Variants in TXLNB observed in about 807,000 individuals in gnomAD.
TXLNB encodes the protein taxilin beta, also known as beta-taxilin.
A neutral mutation model predicts 57.4 loss-of-function variants in TXLNB; 37 were observed. The observed-to-expected ratio is 0.64, with a 90% confidence interval of 0.50 to 0.85. The LOEUF is 0.85. Among genes scored for constraint, TXLNB ranks in the 40% least tolerant of loss-of-function variants. The pLI, the probability that TXLNB is intolerant of heterozygous loss-of-function variation, is 0.00. For missense variants in TXLNB, 848 were observed against 825.6 expected, an observed-to-expected ratio of 1.03 and a Z score of -0.33; for synonymous variants, 302 against 309.6, an observed-to-expected ratio of 0.98 and a Z score of 0.26.
rs1775953127 is a variant in TXLNB, at chr6:139,242,318, G to A, written c.*208C>T. On this transcript the variant is annotated 3_prime_UTR_variant, in exon 10 of 10. Coordinates refer to ENST00000358430, the MANE Select transcript of TXLNB (RefSeq NM_153235.4). ...TTTGGGAAAATTATACTGTCAACCA[G>A]TGTTAAATAGAAAACCTTCAAATCA... is the stretch of plus-strand genomic sequence containing the variant. The A allele has an allele frequency of 4.9e-6, 2 of 405,226 alleles. No homozygotes were observed. Among genetic ancestry groups the A allele is most frequent in the Non-Finnish European group, 8.5e-6 (2 of 235,394 alleles). The allele number at this position is 405,226 out of a possible 1,614,324, so 25.1% of individuals were successfully genotyped here.
At chr6:139,222,771 C>A in the TXLNB span, among the ~76,000 whole-genome samples, 2 of 152,154 alleles carry the variant, frequency 1.3e-5, no homozygotes, top group Non-Finnish European at 2.9e-5. Flanking sequence ...TGCGCCACTG[C>A]ACTCCAGCCT....
the TXLNB span, among the ~76,000 whole-genome samples, chr6:139,316,705 C>G: frequency 1.3e-5 from 2 of 152,176 alleles, no homozygotes; most frequent in African/African-American, 4.8e-5. Context: ...TAAAAAACAG[C>G]TTTTGGAGAC....
rs775820027 is a variant in TXLNB, at chr6:139,262,559, TTG to T, written c.882+18_882+19del. On this transcript the variant is annotated intron_variant, in intron 5 of 9. Transcript: ENST00000358430. ...ATCCGGATCTATGTACTGTTCTAAG[TTG>T]TTTGATGTGGTTCTCACCTCCTCTC... 6 of 1,603,994 alleles carry T rather than the reference TTG, an allele frequency of 3.7e-6. No homozygotes were observed. The East Asian group carries it at 1.1e-4, about 30-fold the overall frequency.
chr6:139,190,948 C>A, the TXLNB span, among the ~76,000 whole-genome samples: 3 of 151,972 alleles, frequency 2.0e-5, no homozygotes, highest in South Asian at 6.2e-4. Context: ...AGTTAGAAAA[C>A]GTCAGAAAAA....
At chr6:139,173,214 C>T in the TXLNB span, among the ~76,000 whole-genome samples, 1 of 152,212 alleles carries the variant, frequency 6.6e-6, no homozygotes, top group Non-Finnish European at 1.5e-5. Flanking sequence ...ATCCTTCCCC[C>T]TTTTGGCATA....
At chr6:139,291,401 T>C (rs1777298112) in intron 1 of TXLNB, among the ~76,000 whole-genome samples, 1 of 152,252 alleles carries the variant, frequency 6.6e-6, no homozygotes, top group Admixed American at 6.5e-5. Context: ...TTTACTTCGG[T>C]TAGTCTAAAT....
chr6:139,174,678 A>G, the TXLNB span: 2,788 of 1,230,616 alleles, frequency 2.3e-3, 60 homozygotes, highest in African/African-American at 0.038. Flanking sequence ...TAATGTAGTC[A>G]TTTAGTGGAA....
the TXLNB span, among the ~76,000 whole-genome samples, chr6:139,207,708 G>C: frequency 6.6e-6 from 1 of 152,134 alleles, no homozygotes. Context: ...TCTTTGAAAA[G>C]AGCAACAAAA....
the TXLNB span, among the ~76,000 whole-genome samples, chr6:139,168,294 G>A: frequency 6.6e-6 from 1 of 151,776 alleles, no homozygotes; most frequent in African/African-American, 2.4e-5. Flanking sequence ...AATCCTTAAT[G>A]TTTACTAATG....
intron 5 of TXLNB, among the ~76,000 whole-genome samples, chr6:139,261,064 G>A (rs1262068568): frequency 6.6e-6 from 1 of 152,078 alleles, no homozygotes; most frequent in Non-Finnish European, 1.5e-5. Context: ...CACACCTTTT[G>A]ACCTCTGGAC....
At chr6:139,237,131 T>C (rs566809230), downstream of TXLNB, among the ~76,000 whole-genome samples, 6 of 152,350 alleles carry the variant, frequency 3.9e-5, no homozygotes, top group East Asian at 9.6e-4. Flanking sequence ...TTATCTTATA[T>C]GTCATATCTT....
At chr6:139,212,912 T>C in the TXLNB span, among the ~76,000 whole-genome samples, 1 of 152,192 alleles carries the variant, frequency 6.6e-6, no homozygotes, top group South Asian at 2.1e-4. Flanking sequence ...AGGGATCGAT[T>C]CAACAAGAAG....
the TXLNB span, among the ~76,000 whole-genome samples, chr6:139,202,472 C>G: frequency 6.6e-6 from 1 of 152,188 alleles, no homozygotes; most frequent in Non-Finnish European, 1.5e-5. Flanking sequence ...AGACCCACAG[C>G]TTTCACTATG....
chr6:139,221,387 T>G, the TXLNB span, among the ~76,000 whole-genome samples: 1 of 152,300 alleles, frequency 6.6e-6, no homozygotes, highest in Middle Eastern at 3.4e-3. Context: ...GATAATTGGT[T>G]CCATCTTAAC....
the TXLNB span, among the ~76,000 whole-genome samples, chr6:139,303,937 T>C: frequency 0.54 from 81,746 of 150,810 alleles, 23,943 homozygotes; most frequent in African/African-American, 0.78. Flanking sequence ...CCCAGAAATG[T>C]GCAAGATAGC....
the TXLNB span, among the ~76,000 whole-genome samples, chr6:139,320,435 G>A: frequency 6.6e-6 from 1 of 152,080 alleles, no homozygotes; most frequent in African/African-American, 2.4e-5. Context: ...CAGTCCTAGA[G>A]GAACACAACT....
At chr6:139,238,004 G>C (rs577688107), downstream of TXLNB, among the ~76,000 whole-genome samples, 2 of 152,258 alleles carry the variant, frequency 1.3e-5, no homozygotes, top group East Asian at 1.9e-4. Context: ...TATTTTGCTA[G>C]TTAAGTGTTT....
At position 139,242,480 on chromosome 6, in the gene TXLNB, G is replaced by T; in HGVS notation, c.*46C>A. On this transcript the variant is annotated 3_prime_UTR_variant, in exon 10 of 10. Coordinates refer to ENST00000358430, the MANE Select transcript of TXLNB (RefSeq NM_153235.4). Reference sequence around the variant, plus strand: ...TTTTCGGAAGACAAGCTGTTATGCTGAATATGCAAAGAGGCAGGAAGAAGC... The same window carrying T: ...TTTTCGGAAGACAAGCTGTTATGCTTAATATGCAAAGAGGCAGGAAGAAGC... 2 of 1,437,736 alleles carry T rather than the reference G, an allele frequency of 1.4e-6. No homozygotes were observed. The highest frequency in any genetic ancestry group is 2.5e-5 in the East Asian group (1 of 39,714). The allele number at this position is 1,437,736 out of a possible 1,614,324, so 89.1% of individuals were successfully genotyped here.
the TXLNB span, among the ~76,000 whole-genome samples, chr6:139,313,803 T>C: frequency 4.6e-5 from 7 of 152,134 alleles, no homozygotes; most frequent in Non-Finnish European, 2.9e-5. Flanking sequence ...AATAAAATTC[T>C]AAGCCCCCCA....
Sources: gnomAD v4.1 joint callset for allele counts (sites outside exome capture counted in the v4.1 genomes callset) on GRCh38, gnomAD v4.1.1 for gene constraint, MANE v1.5 for transcripts, NCBI Gene and HGNC (gene_info 2026-07-23, HGNC 2026-07-21) for gene names.